Variants in ANTXRL observed in about 807,000 individuals in gnomAD.
ANTXRL encodes anthrax toxin receptor-like.
ANTXRL carries 63 observed loss-of-function variants against 75.4 expected under a neutral mutation model. That is an observed-to-expected ratio of 0.84 (90% confidence interval 0.68 to 1.03). The LOEUF (loss-of-function observed/expected upper bound fraction) is 1.03, where lower values mean the gene tolerates loss of function less well. Ranked by LOEUF, ANTXRL falls within the 50% of genes least tolerant of loss-of-function variation. ANTXRL has a pLI of 0.00. For synonymous variants in ANTXRL, 335 were observed against 291.3 expected, an observed-to-expected ratio of 1.15 and a Z score of -1.53; for missense variants, 797 against 789.4, an observed-to-expected ratio of 1.01 and a Z score of -0.12.
intron 10 of ANTXRL, among the ~76,000 whole-genome samples, chr10:46,306,541 T>TTTTGTTTTGTTTTTTA (rs1565033830): frequency 6.6e-6 from 1 of 151,866 alleles, no homozygotes; most frequent in African/African-American, 2.4e-5. Flanking sequence ...TCCTGTTTTT[T>TTTTGTTTTGTTTTTTA]ATTTTGTTTT....
chr10:46,314,942 A>G (rs1475520508), intron 16 of ANTXRL, among the ~76,000 whole-genome samples: 5 of 152,140 alleles, frequency 3.3e-5, no homozygotes, highest in African/African-American at 9.7e-5. Flanking sequence ...CTCTTCTGCG[A>G]CAACCTAATT....
At chr10:46,289,452 G>T (rs73289318) in intron 1 of ANTXRL, among the ~76,000 whole-genome samples, 1 of 152,120 alleles carries the variant, frequency 6.6e-6, no homozygotes, top group African/African-American at 2.4e-5. Flanking sequence ...TTCTCAGCCG[G>T]GAGCAGTAGC....
Position 46,295,007 on chromosome 10 carries a change from C to T in ANTXRL, c.393-1012C>T, listed in dbSNP as rs193295729. Among the ~76,000 whole-genome samples the T allele has an allele frequency of 3.7e-3, 569 of 152,312 alleles. 3 individuals are homozygous for T. The highest frequency in any genetic ancestry group is 0.013 in the African/African-American group (529 of 41,544). ...CCCAGTCCTGCCACCAGAGCCAGTC[C>T]TGACTGCCCCAGCCCATTCTGTCTG... is the stretch of plus-strand genomic sequence containing the variant. On this transcript the variant is annotated intron_variant, in intron 3 of 16. Transcript: ENST00000620264.
At position 46,311,581 on chromosome 10, in the gene ANTXRL, G is replaced by T. The variant is rs1427417809; in HGVS notation, c.1245G>T (p.Pro415=). 6.7e-6 allele frequency: 10 copies of T among 1,498,034 alleles called. 1 individual carries two copies. Among genetic ancestry groups the T allele is most frequent in the Non-Finnish European group, 7.2e-6 (8 of 1,112,490 alleles). The allele number at this position is 1,498,034 out of a possible 1,614,324, so 92.8% of individuals were successfully genotyped here. A position where few individuals can be genotyped will look rare whatever the true frequency, so the allele number is the denominator to read the frequency against. Residue 415 remains proline, a synonymous_variant, in exon 15 of 17, where the codon CCG becomes CCT. Coordinates refer to ENST00000620264, the MANE Select transcript of ANTXRL (RefSeq NM_001278688.3). ...CTCCACCACCTCCACTCCCGCCTCC[G>T]CCCCCAGCTCCTGTAAACACCTGCC... ...PPPPPPPLPP[P]PPAPVNTCPT...
At chr10:46,299,828 G>T (rs1319287784) in intron 9 of ANTXRL, among the ~76,000 whole-genome samples, 2 of 152,186 alleles carry the variant, frequency 1.3e-5, no homozygotes, top group Admixed American at 1.3e-4. Flanking sequence ...GGAGCTGGCA[G>T]GTCCCTGAAA....
At chr10:46,287,868 CTG>C (rs1352433639) in intron 1 of ANTXRL, among the ~76,000 whole-genome samples, 1 of 152,154 alleles carries the variant, frequency 6.6e-6, no homozygotes, top group Non-Finnish European at 1.5e-5. Flanking sequence ...TTTGGGGTTT[CTG>C]TGTTGTTTTG....
Position 46,314,279 on chromosome 10 carries a change from G to A in ANTXRL, c.1410+963G>A, listed in dbSNP as rs782693414. 4.0e-4 allele frequency among the ~76,000 whole-genome samples: 61 copies of A among 152,206 alleles called. No homozygotes were observed. The Middle Eastern group carries it at 0.014, about 34-fold the overall frequency. ...AGAGGCATGCAGGGCTCCTCCAGCC[G>A]CTGGGCTCCTGGCTCTGTGCCTCTG... On this transcript the variant is annotated intron_variant, in intron 16 of 16. Transcript: ENST00000620264.
chr10:46,313,157 G>T, intron 15 of ANTXRL, 79 bp from the exon 16 acceptor site: 4 of 1,256,408 alleles, frequency 3.2e-6, no homozygotes, highest in African/African-American at 1.5e-5. Flanking sequence ...ACAGAGCTGT[G>T]GGGGGCTGGG....
intron 9 of ANTXRL, among the ~76,000 whole-genome samples, chr10:46,301,163 G>A (rs1837715484): frequency 6.6e-6 from 1 of 152,254 alleles, no homozygotes. Flanking sequence ...GCAGGCCACA[G>A]GCCCAGTTGC....
intron 14 of ANTXRL, among the ~76,000 whole-genome samples, chr10:46,311,223 C>T (rs782525738): frequency 3.9e-5 from 6 of 152,068 alleles, no homozygotes; most frequent in African/African-American, 9.7e-5. Flanking sequence ...CAGGTGGATA[C>T]GGACAGTCAC....
chr10:46,310,300 C>A lies in ANTXRL; in HGVS notation c.1135-161C>A, dbSNP rs185383008. ...GGAGGCTGAGGCCCAGGAGGAGGAG[C>A]CTGCCGGGTACAAGTTCACAGGCTC... On this transcript the variant is annotated intron_variant, in intron 13 of 16. Coordinates refer to ENST00000620264, the MANE Select transcript of ANTXRL (RefSeq NM_001278688.3). Among the ~76,000 whole-genome samples, 302 of 152,188 alleles carry A rather than the reference C, an allele frequency of 2.0e-3. 8 individuals are homozygous for A. The highest frequency in any genetic ancestry group is 0.017 in the Admixed American group (261 of 15,286).
chr10:46,287,039 C>T lies in ANTXRL; in HGVS notation c.-224C>T. The T allele has an allele frequency of 3.3e-6, 2 of 597,948 alleles. No individual in the cohort carries two copies. Among genetic ancestry groups the T allele is most frequent in the Non-Finnish European group, 5.8e-6 (2 of 344,010 alleles). 37.0% of individuals were successfully genotyped at this position (597,948 alleles called of 1,614,324 possible). On this transcript the variant is annotated 5_prime_UTR_variant, in exon 1 of 17. Coordinates refer to ENST00000620264, the MANE Select transcript of ANTXRL (RefSeq NM_001278688.3). Reference sequence around the variant, plus strand: ...TCCCCAGGGTGGGGGAAGGGCCAGGCAGGTAGCTGGAAGCAAGTCTCCCAG... The same window carrying T: ...TCCCCAGGGTGGGGGAAGGGCCAGGTAGGTAGCTGGAAGCAAGTCTCCCAG...
chr10:46,309,015 A>G, intron 12 of ANTXRL, 98 bp from the exon 13 acceptor site: 2 of 1,500,938 alleles, frequency 1.3e-6, no homozygotes, highest in African/African-American at 1.4e-5. Flanking sequence ...ATGCGGGGCC[A>G]GCTAGGGAGA....
intron 16 of ANTXRL, among the ~76,000 whole-genome samples, chr10:46,322,185 T>C (rs1344049065): frequency 6.6e-6 from 1 of 152,046 alleles, no homozygotes; most frequent in Non-Finnish European, 1.5e-5. Flanking sequence ...GATACCCCGT[T>C]GAGGTTGGCA....
intron 12 of ANTXRL, among the ~76,000 whole-genome samples, chr10:46,308,122 GCCCACTCCACTGCCTTGTA>G (rs1565036264): frequency 2.6e-5 from 4 of 152,142 alleles, no homozygotes; most frequent in Admixed American, 6.5e-5. Flanking sequence ...GGAGGCCTGA[GCCCACTCCACTGCCTTGTA>G]CCCAGTCTCA....
At chr10:46,291,914 G>A (rs1394222471) in intron 1 of ANTXRL, 144 bp from the exon 2 acceptor site, 21 of 699,950 alleles carry the variant, frequency 3.0e-5, no homozygotes, top group Non-Finnish European at 4.6e-5. Flanking sequence ...TGATCCAGTG[G>A]CCACTGGGGG....
Position 46,330,038 on chromosome 10 carries a change from C to T in ANTXRL, c.1850C>T (p.Thr617Met), listed in dbSNP as rs376591602. The change falls in exon 17 of 17, where the codon ACG becomes ATG. Residue 617 changes from threonine (T) to methionine (M), a missense_variant. Around this residue, in one of 3 missense-constraint regions of ANTXRL, gnomAD observed 479 missense variants for 422.0 expected, o/e 1.14. Transcript: ENST00000620264. Reference sequence around the variant, plus strand: ...CTGCTGTCCCCACTGCTCAGGCACACGGCAGAACCCCCTTTGTCACTCCCC... The same window carrying T: ...CTGCTGTCCCCACTGCTCAGGCACATGGCAGAACCCCCTTTGTCACTCCCC... The part of the protein sequence containing the change: ...LPLLSPLLRH[T>M]AEPPLSLPPS... The T allele has an allele frequency of 4.7e-5, 72 of 1,531,156 alleles. No homozygotes were observed. The African/African-American group carries it at 5.6e-4, about 12-fold the overall frequency. The allele number at this position is 1,531,156 out of a possible 1,614,324, so 94.8% of individuals were successfully genotyped here.
At chr10:46,313,386 G>A (rs1246015477) in intron 16 of ANTXRL, 70 bp downstream of exon 16, 2 of 1,445,722 alleles carry the variant, frequency 1.4e-6, no homozygotes. Context: ...ACTGTCCTCT[G>A]GGATTGGGGC....
At position 46,307,266 on chromosome 10, in the gene ANTXRL, C is replaced by T. The variant is rs185754170; in HGVS notation, c.966-136C>T. 376 of 699,930 alleles carry T rather than the reference C, an allele frequency of 5.4e-4. 1 individual carries two copies. The highest frequency in any genetic ancestry group is 5.3e-3 in the African/African-American group (304 of 57,348). 43.4% of individuals were successfully genotyped at this position (699,930 alleles called of 1,614,324 possible). On this transcript the variant is annotated intron_variant, in intron 11 of 16. Coordinates refer to ENST00000620264, the MANE Select transcript of ANTXRL (RefSeq NM_001278688.3). ...ATGCAGGGCCCCTCACTGTCTGACC[C>T]ACTTACCCTTTGGTCATCATTGCTA...
Sources: gnomAD v4.1 joint callset for allele counts (sites outside exome capture counted in the v4.1 genomes callset) on GRCh38, gnomAD v4.1.1 for gene constraint, gnomAD v4.1.1 regional missense constraint, MANE v1.5 for transcripts, NCBI Gene and HGNC (gene_info 2026-07-23, HGNC 2026-07-21) for gene names.